Variants in LGR5 observed in about 807,000 individuals in gnomAD.
LGR5 encodes the protein leucine rich repeat containing G protein-coupled receptor 5.
A neutral mutation model predicts 76.7 loss-of-function variants in LGR5; 54 were observed. The observed-to-expected ratio is 0.70, with a 90% CI of 0.57 to 0.88. The LOEUF (loss-of-function observed/expected upper bound fraction) is 0.88. Among genes scored for constraint, LGR5 ranks in the 40% least tolerant of loss-of-function variants. The probability of loss-of-function intolerance (pLI) is 0.00; values close to 1 mark genes in which losing one functional copy is unlikely to be tolerated. For synonymous variants in LGR5, 406 were observed against 421.9 expected (o/e 0.96, Z 0.46); for missense variants, 1,078 against 1,073.3 (o/e 1.00, Z -0.06).
At chr12:71,452,085 T>C (rs1872274352) in intron 1 of LGR5, among the ~76,000 whole-genome samples, 1 of 152,344 alleles carries the variant, frequency 6.6e-6, no homozygotes, top group African/African-American at 2.4e-5. Flanking sequence ...TGTCCATTCC[T>C]TCCCGTGGAA....
intron 6 of LGR5, among the ~76,000 whole-genome samples, chr12:71,559,323 C>A (rs1200963878): frequency 1.3e-5 from 2 of 152,206 alleles, no homozygotes; most frequent in Non-Finnish European, 2.9e-5. Flanking sequence ...CTCCTGCACA[C>A]TCCCTTTCTT....
intron 1 of LGR5, among the ~76,000 whole-genome samples, chr12:71,458,824 A>T (rs961102748): frequency 6.6e-6 from 1 of 152,034 alleles, no homozygotes; most frequent in Non-Finnish European, 1.5e-5. Context: ...GGCAGCAGAA[A>T]TTTTTTAAAT....
intron 1 of LGR5, among the ~76,000 whole-genome samples, chr12:71,464,719 A>G (rs1302872696): frequency 6.6e-6 from 1 of 152,220 alleles, no homozygotes; most frequent in Non-Finnish European, 1.5e-5. Context: ...GAATAAATAC[A>G]TTCAATATCA....
chr12:71,569,387 A>G (rs991544895), intron 11 of LGR5, among the ~76,000 whole-genome samples: 8 of 152,260 alleles, frequency 5.3e-5, no homozygotes, highest in African/African-American at 1.9e-4. Context: ...ACAGAATAGG[A>G]GAAAATTTTT....
chr12:71,492,234 G>C (rs765442048), intron 1 of LGR5, among the ~76,000 whole-genome samples: 8 of 152,154 alleles, frequency 5.3e-5, no homozygotes, highest in Non-Finnish European at 1.2e-4. Flanking sequence ...TTAGGTTCAG[G>C]AGGATCAGAG....
intron 2 of LGR5, among the ~76,000 whole-genome samples, chr12:71,519,350 C>T (rs1482331407): frequency 6.6e-6 from 1 of 152,180 alleles, no homozygotes; most frequent in African/African-American, 2.4e-5. Context: ...CTCTCTATCC[C>T]TTTGCCTTGA....
At chr12:71,519,993 A>G (rs1320313267) in intron 2 of LGR5, among the ~76,000 whole-genome samples, 3 of 152,012 alleles carry the variant, frequency 2.0e-5, no homozygotes, top group Non-Finnish European at 4.4e-5. Context: ...AAGTGTAATC[A>G]TTTTTCCAAT....
intron 1 of LGR5, among the ~76,000 whole-genome samples, chr12:71,457,901 A>C (rs921027509): frequency 1.3e-5 from 2 of 152,122 alleles, no homozygotes; most frequent in African/African-American, 4.8e-5. Context: ...ACATACTAGA[A>C]TGGGATCTAA....
At chr12:71,464,629 C>T (rs759787698) in intron 1 of LGR5, among the ~76,000 whole-genome samples, 53 of 151,930 alleles carry the variant, frequency 3.5e-4, no homozygotes, top group Non-Finnish European at 6.8e-4. Context: ...CAATTATGGC[C>T]CTAGAGTAGA....
intron 7 of LGR5, among the ~76,000 whole-genome samples, chr12:71,561,031 T>G (rs1878030351): frequency 6.6e-6 from 1 of 152,152 alleles, no homozygotes; most frequent in Non-Finnish European, 1.5e-5. Flanking sequence ...TTCTAACACT[T>G]GGAAAGGAAA....
intron 16 of LGR5, among the ~76,000 whole-genome samples, chr12:71,581,377 G>A (rs1018797602): frequency 6.6e-6 from 1 of 152,214 alleles, no homozygotes; most frequent in African/African-American, 2.4e-5. Flanking sequence ...TAATGAGGAG[G>A]TGCTTTGGGC....
chr12:71,543,133 C>T (rs980158857), intron 4 of LGR5, among the ~76,000 whole-genome samples: 5 of 151,980 alleles, frequency 3.3e-5, no homozygotes, highest in African/African-American at 4.8e-5. Flanking sequence ...CAGACAAGAT[C>T]GGGCACATTC....
intron 3 of LGR5, among the ~76,000 whole-genome samples, chr12:71,529,669 CA>C (rs1389234814): frequency 6.6e-6 from 1 of 152,034 alleles, no homozygotes; most frequent in Admixed American, 6.6e-5. Flanking sequence ...AAAGTAGAGG[CA>C]AATGGCTGGG....
rs1157226820 is a variant in LGR5 at position 71,584,629 on chromosome 12, C to T, written c.2619C>T (p.Ser873=). 1.5e-5 allele frequency: 24 copies of T among 1,614,086 alleles called. No individual in the cohort carries two copies. The East Asian group carries it at 2.2e-4, about 15-fold the overall frequency. ...CTCAAGCCTTGGTAACCTTTACCAG[C>T]TCCAGCATCACTTATGACCTGCCTC... ...DSTQALVTFT[S]SSITYDLPPS... is the part of the protein sequence containing the mutation. Residue 873 remains serine, a synonymous_variant, in exon 18 of 18, where the codon AGC becomes AGT. Transcript: ENST00000266674.
At chr12:71,515,615 T>C (rs1429135809) in intron 2 of LGR5, among the ~76,000 whole-genome samples, 2 of 152,132 alleles carry the variant, frequency 1.3e-5, no homozygotes, top group African/African-American at 4.8e-5. Context: ...ATCATCCAGA[T>C]TTTTAGAATG....
chr12:71,546,504 A>G (rs1294241836), intron 4 of LGR5, among the ~76,000 whole-genome samples: 1 of 152,072 alleles, frequency 6.6e-6, no homozygotes, highest in Non-Finnish European at 1.5e-5. Flanking sequence ...CAGAATGCTG[A>G]ATCACCATAG....
chr12:71,577,359 T>C (rs1336910573), intron 13 of LGR5, among the ~76,000 whole-genome samples: 1 of 152,194 alleles, frequency 6.6e-6, no homozygotes, highest in Non-Finnish European at 1.5e-5. Flanking sequence ...TACTTTTTCT[T>C]TACTATCAAA....
At chr12:71,577,514 T>C (rs1878909605) in intron 13 of LGR5, among the ~76,000 whole-genome samples, 2 of 152,164 alleles carry the variant, frequency 1.3e-5, no homozygotes, top group Admixed American at 1.3e-4. Context: ...TGTGCCCAAA[T>C]TTTTTTGAGT....
Position 71,440,368 on chromosome 12 carries a change from C to G in LGR5, c.212+76C>G. Reference sequence around the variant, plus strand: ...GGTTCGTCCAAGGCGAGGCTGGAGGCTCCTCGGCGCCCGCCTGCTCGTGGG... The same window carrying G: ...GGTTCGTCCAAGGCGAGGCTGGAGGGTCCTCGGCGCCCGCCTGCTCGTGGG... On this transcript the variant is annotated intron_variant, in intron 1 of 17. Transcript: ENST00000266674. The surrounding 1 kb of genome is among the most constrained non-coding windows in gnomAD (Gnocchi z 5.3). 1 of 1,423,940 alleles carries G rather than the reference C, an allele frequency of 7.0e-7. No individual in the cohort carries two copies. Among genetic ancestry groups the G allele is most frequent in the Non-Finnish European group, 9.7e-7 (1 of 1,031,974 alleles). 88.2% of individuals were successfully genotyped at this position (1,423,940 alleles called of 1,614,324 possible).
Sources: gnomAD v4.1 joint callset for allele counts (sites outside exome capture counted in the v4.1 genomes callset) on GRCh38, gnomAD v4.1.1 for gene constraint, Gnocchi (gnomAD v3.1) non-coding constraint, MANE v1.5 for transcripts, NCBI Gene and HGNC (gene_info 2026-07-23, HGNC 2026-07-21) for gene names.